Variants in INSR observed in about 807,000 individuals in gnomAD.
The protein encoded by INSR is IR.
Under a neutral mutation model 142.6 loss-of-function variants are expected in INSR, and 67 were observed. The ratio of observed to expected loss-of-function variants is 0.47; its 90% CI spans 0.39 to 0.58. The LOEUF is 0.58. Ranked by LOEUF, INSR falls within the 20% of genes least tolerant of loss-of-function variation. The pLI is 0.00. For synonymous variants in INSR, 756 were observed against 743.1 expected, an observed-to-expected ratio of 1.02 and a Z score of -0.28; for missense variants, 1,248 against 1,833.2, an observed-to-expected ratio of 0.68 and a Z score of 5.83.
chr19:7,138,607 A>G (rs181718816), intron 13 of INSR, among the ~76,000 whole-genome samples: 2 of 152,130 alleles, frequency 1.3e-5, no homozygotes, highest in East Asian at 3.9e-4. Flanking sequence ...CCTGGCCTCA[A>G]GCAATCCTCC....
intron 11 of INSR, among the ~76,000 whole-genome samples, chr19:7,146,236 CTTTTT>C (rs35961932): frequency 9.0e-6 from 1 of 110,752 alleles, no homozygotes; most frequent in African/African-American, 3.5e-5. Flanking sequence ...TTGTCAAGTT[CTTTTT>C]TTTTTTTTTT....
chr19:7,168,222 T>C lies in INSR; in HGVS notation c.1484-128A>G. 1.1e-6 allele frequency: 1 copy of C among 948,342 alleles called. No individual in the cohort carries two copies. The highest frequency in any genetic ancestry group is 1.6e-6 in the Non-Finnish European group (1 of 606,254). 58.7% of individuals were successfully genotyped at this position (948,342 alleles called of 1,614,324 possible). On this transcript the variant is annotated intron_variant, in intron 6 of 21. Coordinates refer to ENST00000302850, the MANE Select transcript of INSR (RefSeq NM_000208.4). This position sits in a 1 kb window ranked among gnomAD's most constrained non-coding sequence, Gnocchi z 4.3. ...GGTGACGCTGCTATTCCCTTAAGGGTCTCCTCCCCATGTGCCTGGCTGAGT... is the reference window on the plus strand; with the variant it reads ...GGTGACGCTGCTATTCCCTTAAGGGCCTCCTCCCCATGTGCCTGGCTGAGT...
chr19:7,152,640 A>T, intron 10 of INSR, 86 bp downstream of exon 10: 2 of 1,114,962 alleles, frequency 1.8e-6, no homozygotes, highest in Non-Finnish European at 2.7e-6. Context: ...TCTGGGTCCC[A>T]CTACCTCTCG....
intron 9 of INSR, among the ~76,000 whole-genome samples, chr19:7,158,486 G>GC (rs1441238783): frequency 4.6e-5 from 7 of 152,014 alleles, no homozygotes; most frequent in African/African-American, 1.5e-4. Flanking sequence ...GGGTGACAGA[G>GC]CGAGACTCCG....
intron 2 of INSR, among the ~76,000 whole-genome samples, chr19:7,205,410 A>G (rs4804094): frequency 0.7 from 106,324 of 152,148 alleles, 37,803 homozygotes; most frequent in African/African-American, 0.83. Context: ...AAACCAGAGC[A>G]CCAAATGCCA....
chr19:7,207,948 G>GGAAGGAAGGAAGGAAGGAAA (rs1375255118), intron 2 of INSR, among the ~76,000 whole-genome samples: 1 of 124,102 alleles, frequency 8.1e-6, no homozygotes, highest in Admixed American at 8.3e-5. Context: ...AAGGGAAGGA[G>GGAAGGAAGGAAGGAAGGAAA]GGAGGGAGGG....
intron 5 of INSR, 40 bp from the exon 6 acceptor site, chr19:7,170,791 G>A (rs975013565): frequency 6.7e-7 from 1 of 1,485,870 alleles, no homozygotes; most frequent in Non-Finnish European, 9.4e-7. Flanking sequence ...TCAACGGCTG[G>A]TCTTCTACAA....
intron 2 of INSR, among the ~76,000 whole-genome samples, chr19:7,209,960 A>G (rs955806190): frequency 6.6e-6 from 1 of 152,116 alleles, no homozygotes; most frequent in Non-Finnish European, 1.5e-5. Context: ...GGAAATGTCT[A>G]TTGGTTGTGG....
intron 2 of INSR, among the ~76,000 whole-genome samples, chr19:7,200,258 A>G (rs1355850330): frequency 6.6e-6 from 1 of 152,200 alleles, no homozygotes; most frequent in Non-Finnish European, 1.5e-5. Context: ...GAAACAGAAA[A>G]GAAGAGGCTG....
chr19:7,174,552 G>A, intron 4 of INSR, 31 bp downstream of exon 4: 1 of 1,612,590 alleles, frequency 6.2e-7, no homozygotes, highest in East Asian at 2.2e-5. Flanking sequence ...AGCCCAACAG[G>A]CACCCCCGAC....
chr19:7,270,648 C>T (rs138164565), intron 1 of INSR, among the ~76,000 whole-genome samples: 1 of 152,006 alleles, frequency 6.6e-6, no homozygotes, highest in African/African-American at 2.4e-5. Flanking sequence ...ATTCCAGCTA[C>T]TTGGGAGGCT....
In INSR at chr19:7,243,241, T is replaced by TG. The variant is rs1391202275; in HGVS notation, c.652+24103_652+24104insC. 2.6e-3 allele frequency among the ~76,000 whole-genome samples: 296 copies of TG among 113,466 alleles called. 5 individuals are homozygous for TG. Among genetic ancestry groups the TG allele is most frequent in the African/African-American group, 0.012 (281 of 23,572 alleles). The allele number at this position is 113,466 out of a possible 152,430, so 74.4% of individuals were successfully genotyped here. On this transcript the variant is annotated intron_variant, in intron 2 of 21. Transcript: ENST00000302850. ...CAGTCACACACTGTTTTGGTTTTTT[T>TG]TTTTTTTTTTTTTTTTTTTTTTGAG...
intron 2 of INSR, among the ~76,000 whole-genome samples, chr19:7,261,629 C>T (rs1056872187): frequency 1.3e-5 from 2 of 151,964 alleles, no homozygotes; most frequent in African/African-American, 2.4e-5. Flanking sequence ...CTCTCGGGTT[C>T]GAGTGATTCT....
At chr19:7,202,663 G>A (rs1332619589) in intron 2 of INSR, among the ~76,000 whole-genome samples, 1 of 151,908 alleles carries the variant, frequency 6.6e-6, no homozygotes, top group Non-Finnish European at 1.5e-5. Flanking sequence ...ACCACCCTCA[G>A]CTAATTTTTG....
In INSR at chr19:7,115,237, A is replaced by AT. The variant is rs915741677; in HGVS notation, c.*1818dup. 2 of 152,256 alleles carry AT rather than the reference A, an allele frequency of 1.3e-5. No individual in the cohort carries two copies. The highest frequency in any genetic ancestry group is 4.8e-5 in the African/African-American group (2 of 41,468). The allele number at this position is 152,256 out of a possible 1,614,324, so 9.4% of individuals were successfully genotyped here. A position where few individuals can be genotyped will look rare whatever the true frequency, so the allele number is the denominator to read the frequency against. ...ACTCAGGAATAACGCATGGGCGATGATTTTTTGATGAACCAAAGTGATGAG... is the reference window on the plus strand; with the variant it reads ...ACTCAGGAATAACGCATGGGCGATGATTTTTTTGATGAACCAAAGTGATGAG... On this transcript the variant is annotated 3_prime_UTR_variant, in exon 22 of 22. Transcript: ENST00000302850.
intron 9 of INSR, among the ~76,000 whole-genome samples, chr19:7,162,222 G>A (rs1973770158): frequency 6.6e-6 from 1 of 151,510 alleles, no homozygotes; most frequent in Non-Finnish European, 1.5e-5. Context: ...AGCTACTCAG[G>A]AGCCTGAGGC....
intron 2 of INSR, among the ~76,000 whole-genome samples, chr19:7,213,120 C>T (rs961763192): frequency 1.4e-4 from 21 of 151,818 alleles, no homozygotes; most frequent in African/African-American, 4.1e-4. Context: ...CCGAAGTGGG[C>T]GGATCACGAG....
chr19:7,138,185 C>T (rs1972986093), intron 13 of INSR, among the ~76,000 whole-genome samples: 1 of 151,570 alleles, frequency 6.6e-6, no homozygotes, highest in South Asian at 2.1e-4. Flanking sequence ...AGGATGGTCT[C>T]GATCTCCTGA....
intron 2 of INSR, among the ~76,000 whole-genome samples, chr19:7,238,161 G>A (rs1294519449): frequency 6.6e-6 from 1 of 151,938 alleles, no homozygotes; most frequent in East Asian, 1.9e-4. Flanking sequence ...ATCCATAACT[G>A]TTTCCCTCCC....
Sources: gnomAD v4.1 joint callset for allele counts (sites outside exome capture counted in the v4.1 genomes callset) on GRCh38, gnomAD v4.1.1 for gene constraint, Gnocchi (gnomAD v3.1) non-coding constraint, MANE v1.5 for transcripts, NCBI Gene and HGNC (gene_info 2026-07-23, HGNC 2026-07-21) for gene names.